Variants in GRID2 observed in about 807,000 individuals in gnomAD.
GRID2 encodes glutamate ionotropic receptor delta type subunit 2, also known as glutamate receptor ionotropic, delta-2.
GRID2 carries 33 observed loss-of-function variants against 114.8 expected under a neutral mutation model. The ratio of observed to expected loss-of-function variants is 0.29; its 90% CI spans 0.22 to 0.38. The LOEUF (loss-of-function observed/expected upper bound fraction) is 0.38. Ranked by LOEUF, GRID2 falls within the 10% of genes least tolerant of loss-of-function variation. GRID2 has a pLI of 1.00. For missense variants in GRID2, 1,184 were observed against 1,257.7 expected, an observed-to-expected ratio of 0.94 and a Z score of 0.89; for synonymous variants, 505 against 449.9, an observed-to-expected ratio of 1.12 and a Z score of -1.55.
chr4:93,618,886 G>A (rs1029668614), intron 13 of GRID2, among the ~76,000 whole-genome samples: 5 of 152,174 alleles, frequency 3.3e-5, no homozygotes, highest in Non-Finnish European at 5.9e-5. Context: ...AGTTGGCAGC[G>A]GAGGGTAAAG....
At chr4:92,741,301 G>A (rs1175719417) in intron 2 of GRID2, among the ~76,000 whole-genome samples, 5 of 152,100 alleles carry the variant, frequency 3.3e-5, no homozygotes, top group African/African-American at 1.2e-4. Flanking sequence ...CAGTCACATT[G>A]CACCATATAA....
chr4:93,592,179 C>G (rs1353991670), intron 13 of GRID2, among the ~76,000 whole-genome samples: 2 of 151,976 alleles, frequency 1.3e-5, no homozygotes, highest in African/African-American at 4.8e-5. Flanking sequence ...TTCCGGCTTT[C>G]TCTTGTGGGC....
chr4:93,517,265 A>G (rs1642061515), intron 13 of GRID2, among the ~76,000 whole-genome samples: 1 of 152,108 alleles, frequency 6.6e-6, no homozygotes, highest in African/African-American at 2.4e-5. Flanking sequence ...TTATTGTTTA[A>G]TATTTCCTAA....
chr4:92,865,948 TTAAAA>T (rs1744832677), intron 2 of GRID2, among the ~76,000 whole-genome samples: 1 of 152,134 alleles, frequency 6.6e-6, no homozygotes, highest in South Asian at 2.1e-4. Context: ...AGTGAGTAAA[TTAAAA>T]TGAAAAATTA....
intron 2 of GRID2, among the ~76,000 whole-genome samples, chr4:92,825,022 A>G (rs1741585687): frequency 6.6e-6 from 1 of 152,138 alleles, no homozygotes; most frequent in Non-Finnish European, 1.5e-5. Context: ...CAGAACTTAA[A>G]GTATAATTAA....
chr4:92,720,413 A>T (rs1373798327), intron 2 of GRID2, among the ~76,000 whole-genome samples: 2 of 152,166 alleles, frequency 1.3e-5, no homozygotes, highest in Admixed American at 6.6e-5. Flanking sequence ...ATTCATACTC[A>T]GATGAGTTAA....
At chr4:92,958,357 G>T (rs1030582752) in intron 2 of GRID2, among the ~76,000 whole-genome samples, 1 of 152,022 alleles carries the variant, frequency 6.6e-6, no homozygotes, top group African/African-American at 2.4e-5. Flanking sequence ...ATGACTGAGA[G>T]ATTTTATGAT....
At chr4:92,723,587 C>G (rs930498011) in intron 2 of GRID2, among the ~76,000 whole-genome samples, 8 of 152,060 alleles carry the variant, frequency 5.3e-5, no homozygotes, top group African/African-American at 1.7e-4. Flanking sequence ...TCAATCTGTA[C>G]TTTGAGGCAT....
intron 1 of GRID2, among the ~76,000 whole-genome samples, chr4:92,431,212 C>A (rs1379274253): frequency 1.3e-5 from 2 of 152,122 alleles, no homozygotes; most frequent in Non-Finnish European, 2.9e-5. Context: ...TTAGATTTTT[C>A]TCATTCAATT....
chr4:93,239,215 T>TAC (rs934650018), intron 8 of GRID2, among the ~76,000 whole-genome samples: 2 of 147,668 alleles, frequency 1.4e-5, no homozygotes, highest in African/African-American at 4.9e-5. Context: ...TATACACATA[T>TAC]ACACACACAC....
intron 2 of GRID2, among the ~76,000 whole-genome samples, chr4:92,931,489 GA>G (rs1211981172): frequency 2.0e-5 from 3 of 150,198 alleles, no homozygotes; most frequent in Non-Finnish European, 3.0e-5. Context: ...TAATTTAGCA[GA>G]AAAAAAATAA....
rs185336676 is a variant in GRID2 at position 92,532,770 on chromosome 4, A to G, written c.89-57361A>G. Among the ~76,000 whole-genome samples, 263 of 152,216 alleles carry G rather than the reference A, an allele frequency of 1.7e-3. 1 individual carries two copies. The highest frequency in any genetic ancestry group is 6.2e-3 in the African/African-American group (258 of 41,540). On this transcript the variant is annotated intron_variant, in intron 1 of 15. Transcript: ENST00000282020. ...TTCATGATGTCTAGGGTATTTTGCC[A>G]TTTTTTAAATTTGTACTTCTAGACT...
chr4:93,045,997 G>T (rs997134680), intron 2 of GRID2, among the ~76,000 whole-genome samples: 1 of 152,048 alleles, frequency 6.6e-6, no homozygotes, highest in Non-Finnish European at 1.5e-5. Context: ...TTAAAAAAAT[G>T]TTATAATTGA....
chr4:92,922,676 A>C (rs1331708873), intron 2 of GRID2, among the ~76,000 whole-genome samples: 4 of 152,230 alleles, frequency 2.6e-5, no homozygotes, highest in Non-Finnish European at 5.9e-5. Flanking sequence ...CAGGAGGATA[A>C]ATATATAAAT....
At chr4:93,332,352 CA>C (rs1426154952) in intron 8 of GRID2, among the ~76,000 whole-genome samples, 1 of 148,780 alleles carries the variant, frequency 6.7e-6, no homozygotes, top group Admixed American at 6.7e-5. Context: ...TTCCTACTTC[CA>C]GTTGGTTCTA....
At chr4:93,358,727 G>C (rs888027108) in intron 8 of GRID2, among the ~76,000 whole-genome samples, 1 of 151,868 alleles carries the variant, frequency 6.6e-6, no homozygotes, top group African/African-American at 2.4e-5. Flanking sequence ...TTTCTTCTTT[G>C]ATCTAGTAAT....
intron 2 of GRID2, among the ~76,000 whole-genome samples, chr4:92,939,713 T>C (rs568898369): frequency 6.8e-6 from 1 of 147,592 alleles, no homozygotes; most frequent in South Asian, 2.3e-4. Context: ...AACATTTAAG[T>C]CTTTAATCCA....
chr4:92,921,584 A>G (rs1382448869), intron 2 of GRID2, among the ~76,000 whole-genome samples: 1 of 152,194 alleles, frequency 6.6e-6, no homozygotes, highest in Non-Finnish European at 1.5e-5. Context: ...CCTCAGCTGC[A>G]GGTCTGTTGG....
chr4:92,886,494 T>A (rs1327016881), intron 2 of GRID2, among the ~76,000 whole-genome samples: 1 of 152,134 alleles, frequency 6.6e-6, no homozygotes, highest in African/African-American at 2.4e-5. Flanking sequence ...AAATGAGGTA[T>A]GCCTCTCCCT....
Sources: allele counts gnomAD v4.1 joint callset (sites outside exome capture counted in the v4.1 genomes callset), GRCh38; gene constraint gnomAD v4.1.1; transcripts MANE v1.5; gene names NCBI Gene and HGNC (gene_info 2026-07-23, HGNC 2026-07-21).